ASPG: variants seen among roughly 807,000 people sequenced by gnomAD.
ASPG encodes the protein asparaginase, also known as 60 kDa lysophospholipase.
A neutral mutation model predicts 63.2 loss-of-function variants in ASPG; 53 were observed. The ratio of observed to expected loss-of-function variants is 0.84; its 90% CI spans 0.67 to 1.05. The LOEUF is 1.05. ASPG is among the 50% of genes least tolerant of loss of function. The pLI, the probability that ASPG is intolerant of heterozygous loss-of-function variation, is 0.00. For missense variants in ASPG, 741 were observed against 794.4 expected, an observed-to-expected ratio of 0.93 and a Z score of 0.81; for synonymous variants, 370 against 355.0, an observed-to-expected ratio of 1.04 and a Z score of -0.48.
rs1288475459 is a variant in ASPG at position 104,085,832 on chromosome 14, G to T, written c.62G>T (p.Gly21Val). Residue 21 changes from glycine (G) to valine (V), a missense_variant, in exon 1 of 16, where the codon GGC becomes GTC. Gly to Val is a moderately radical substitution (Grantham distance 109, BLOSUM62 -3). Transcript: ENST00000551177. Reference protein sequence around the residue: ...LLAVYTGGTIGMRSELGVLVP... With the variant: ...LLAVYTGGTIVMRSELGVLVP... ...GCCGTCTACACCGGCGGCACCATTG[G>T]CATGCGGAGTGAGCTCGGCGGTGAG... 2 of 1,590,074 alleles carry T rather than the reference G, an allele frequency of 1.3e-6. No individual in the cohort carries two copies. The highest frequency in any genetic ancestry group is 2.3e-5 in the East Asian group (1 of 43,062).
Position 104,102,617 on chromosome 14 carries a change from A to G in ASPG, c.641-946A>G, listed in dbSNP as rs548090723. ...CCAGTGTCCAGCCCTGCTCTGCTGGAGGCTGCCATGAGTGTGGAGAGGGGC... is the reference window on the plus strand; with the variant it reads ...CCAGTGTCCAGCCCTGCTCTGCTGGGGGCTGCCATGAGTGTGGAGAGGGGC... On this transcript the variant is annotated intron_variant, in intron 6 of 15. Transcript: ENST00000551177. Among the ~76,000 whole-genome samples the G allele has an allele frequency of 4.2e-4, 64 of 152,258 alleles. 2 individuals carry two copies. The highest frequency in any genetic ancestry group is 4.6e-4 in the Admixed American group (7 of 15,310).
In ASPG at chr14:104,111,752, G is replaced by A. The variant is rs972568674; in HGVS notation, c.1620+151G>A. On this transcript the variant is annotated intron_variant, in intron 14 of 15. Transcript: ENST00000551177. ...CCCATGCAGGACCCGCACAGACTGG[G>A]TCCCCTTCCCGGGGCTCTGAGTGGT... 20 of 912,998 alleles carry A rather than the reference G, an allele frequency of 2.2e-5. No homozygotes were observed. In the Middle Eastern group the frequency reaches 2.0e-3, roughly 90 times the overall value. 56.6% of individuals were successfully genotyped at this position (912,998 alleles called of 1,614,324 possible). A position where few individuals can be genotyped will look rare whatever the true frequency, so the allele number is the denominator to read the frequency against.
intron 12 of ASPG, chr14:104,108,728 C>G: frequency 3.0e-6 from 3 of 985,466 alleles, no homozygotes; most frequent in Non-Finnish European, 3.6e-6. Flanking sequence ...GCCCTGCCCC[C>G]ACTCCTACCC....
At position 104,103,694 on chromosome 14, in the gene ASPG, A is replaced by G. The variant is rs1389375398; in HGVS notation, c.753+19A>G. Reference sequence around the variant, plus strand: ...CGCCCTGGTAGGGACCGCCCCGGCCATCCTGCCCCTGCAGCCCTGAGCCCC... The same window carrying G: ...CGCCCTGGTAGGGACCGCCCCGGCCGTCCTGCCCCTGCAGCCCTGAGCCCC... On this transcript the variant is annotated intron_variant, in intron 7 of 15. Coordinates refer to ENST00000551177, the MANE Select transcript of ASPG (RefSeq NM_001080464.3). 2 of 1,541,524 alleles carry G rather than the reference A, an allele frequency of 1.3e-6. No individual in the cohort carries two copies. The highest frequency in any genetic ancestry group is 1.8e-6 in the Non-Finnish European group (2 of 1,142,290).
chr14:104,110,068 C>T lies in ASPG; in HGVS notation c.1520+753C>T. ...CCTTGTGCCTGGTGACTTGGCGCTG[C>T]CTCCTGTGCCCAGCCTGGGCTGCCC... is the stretch of plus-strand genomic sequence containing the variant. On this transcript the variant is annotated intron_variant, in intron 13 of 15. Coordinates refer to ENST00000551177, the MANE Select transcript of ASPG (RefSeq NM_001080464.3). This position sits in a 1 kb window ranked among gnomAD's most constrained non-coding sequence, Gnocchi z 4.7. The T allele has an allele frequency of 2.0e-6, 2 of 985,406 alleles. No individual in the cohort carries two copies. Among genetic ancestry groups the T allele is most frequent in the East Asian group, 1.1e-4 (1 of 8,800 alleles). 61.0% of individuals were successfully genotyped at this position (985,406 alleles called of 1,614,324 possible). A position where few individuals can be genotyped will look rare whatever the true frequency, so the allele number is the denominator to read the frequency against.
chr14:104,105,200 A>G (rs575577138), intron 9 of ASPG, 128 bp from the exon 10 acceptor site: 1 of 1,445,764 alleles, frequency 6.9e-7, no homozygotes, highest in African/African-American at 1.4e-5. Flanking sequence ...CGAGGGATGA[A>G]GCACACACGG....
Position 104,085,784 on chromosome 14 carries a change from T to C in ASPG, c.14T>C (p.Val5Ala), listed in dbSNP as rs781725936. ...CCCCGGTCCGGCATGGCGCGCGCGG[T>C]GGGGCCCGAGCGGAGGCTGCTGGCC... MARA[V>A]GPERRLLAVY... Residue 5 changes from valine (V) to alanine (A), a missense_variant, in exon 1 of 16, where the codon GTG becomes GCG. Val to Ala is a moderately conservative substitution (Grantham distance 64). Coordinates refer to ENST00000551177, the MANE Select transcript of ASPG (RefSeq NM_001080464.3). The C allele has an allele frequency of 1.3e-6, 2 of 1,585,010 alleles. No homozygotes were observed. Among genetic ancestry groups the C allele is most frequent in the Non-Finnish European group, 1.7e-6 (2 of 1,172,564 alleles).
intron 2 of ASPG, 107 bp from the exon 3 acceptor site, chr14:104,093,384 G>C (rs1400348986): frequency 9.4e-7 from 1 of 1,063,602 alleles, no homozygotes; most frequent in Non-Finnish European, 1.4e-6. Flanking sequence ...TTGGCGTAGG[G>C]GCCCCAGCTC....
At chr14:104,112,072 G>T (rs1043161411) in intron 15 of ASPG, 72 bp downstream of exon 15, 12 of 1,417,538 alleles carry the variant, frequency 8.5e-6, no homozygotes, top group East Asian at 5.0e-5. Context: ...CCTGGCTCGG[G>T]GGGGCGTAAT....
rs926328506 is a variant in ASPG at position 104,111,097 on chromosome 14, G to A, written c.1521-405G>A. 13 of 985,412 alleles carry A rather than the reference G, an allele frequency of 1.3e-5. No homozygotes were observed. The East Asian group carries it at 3.4e-4, about 26-fold the overall frequency. 61.0% of individuals were successfully genotyped at this position (985,412 alleles called of 1,614,324 possible). A position where few individuals can be genotyped will look rare whatever the true frequency, so the allele number is the denominator to read the frequency against. On this transcript the variant is annotated intron_variant, in intron 13 of 15. Transcript: ENST00000551177. ...GTGTGTTGTGTAACACGAAACTGGC[G>A]TGGGCTGCTCGGCAGGTGGGCGTGC...
chr14:104,107,170 G>A lies in ASPG; in HGVS notation c.1270-12G>A. 1.3e-6 allele frequency: 2 copies of A among 1,547,190 alleles called. No individual in the cohort carries two copies. The highest frequency in any genetic ancestry group is 1.7e-6 in the Non-Finnish European group (2 of 1,144,128). ...TCTCCCTCAGGGGTCGCATGTCCTTGTGTTACTCCAGGGCAGTGACCTGGG... is the reference window on the plus strand; with the variant it reads ...TCTCCCTCAGGGGTCGCATGTCCTTATGTTACTCCAGGGCAGTGACCTGGG... On this transcript the variant is annotated splice_polypyrimidine_tract_variant and intron_variant, in intron 11 of 15. Transcript: ENST00000551177.
Position 104,114,044 on chromosome 14 carries a change from T to C in ASPG, c.*1500T>C, listed in dbSNP as rs2037434163. Reference sequence around the variant, plus strand: ...GGCTGAGCCCACCTGGTCTCCCCGGTTGCTCCTGCACACGGCAGTGCCCAC... The same window carrying C: ...GGCTGAGCCCACCTGGTCTCCCCGGCTGCTCCTGCACACGGCAGTGCCCAC... On this transcript the variant is annotated 3_prime_UTR_variant, in exon 16 of 16. Transcript: ENST00000551177. 6.6e-6 allele frequency: 1 copy of C among 152,318 alleles called. No homozygotes were observed. Among genetic ancestry groups the C allele is most frequent in the African/African-American group, 2.4e-5 (1 of 41,462 alleles). The allele number at this position is 152,318 out of a possible 1,614,324, so 9.4% of individuals were successfully genotyped here. A position where few individuals can be genotyped will look rare whatever the true frequency, so the allele number is the denominator to read the frequency against.
At chr14:104,105,164 G>C in intron 9 of ASPG, 164 bp from the exon 10 acceptor site, 1 of 1,097,080 alleles carries the variant, frequency 9.1e-7, no homozygotes. Context: ...GGCTGGCCTT[G>C]GGAGGGGACC....
chr14:104,101,084 C>T (rs1342443519), intron 6 of ASPG, among the ~76,000 whole-genome samples: 1 of 152,338 alleles, frequency 6.6e-6, no homozygotes, highest in Non-Finnish European at 1.5e-5. Context: ...AGCTCCTGGG[C>T]GCAGCACTAA....
chr14:104,105,797 G>A (rs2037098876), intron 10 of ASPG, among the ~76,000 whole-genome samples: 1 of 152,198 alleles, frequency 6.6e-6, no homozygotes, highest in Admixed American at 6.5e-5. Context: ...CAGGCTCTGA[G>A]CACCAGGGGT....
In ASPG at chr14:104,093,852, G is replaced by A. The variant is rs1431761475; in HGVS notation, c.303+250G>A. ...AGTGTGGGTGGGGCTGTGGGTGTGG[G>A]GTGGGCTGTGTTGTGTGGGCAGGGC... On this transcript the variant is annotated intron_variant, in intron 3 of 15. Transcript: ENST00000551177. Among the ~76,000 whole-genome samples the A allele has an allele frequency of 1.0e-4, 15 of 148,692 alleles. No homozygotes were observed. The South Asian group carries it at 3.2e-3, about 32-fold the overall frequency.
chr14:104,111,143 A>G (rs1188218720), intron 13 of ASPG: 4 of 985,398 alleles, frequency 4.1e-6, no homozygotes, highest in Non-Finnish European at 4.8e-6. Context: ...GCAAAGGCGC[A>G]TGTGCTCATG....
intron 5 of ASPG, among the ~76,000 whole-genome samples, chr14:104,097,842 CGTT>C (rs2036667271): frequency 7.2e-6 from 1 of 138,214 alleles, no homozygotes; most frequent in Non-Finnish European, 1.7e-5. Context: ...GGAGGTTCTG[CGTT>C]AGAGATGCAT....
At chr14:104,108,920 C>T in intron 12 of ASPG, 4 of 985,386 alleles carry the variant, frequency 4.1e-6, no homozygotes, top group Non-Finnish European at 4.8e-6. Context: ...ATTCTGCTAG[C>T]ACCAACTAAT....
Sources: allele counts gnomAD v4.1 joint callset (sites outside exome capture counted in the v4.1 genomes callset), GRCh38; gene constraint gnomAD v4.1.1; non-coding constraint Gnocchi (gnomAD v3.1); transcripts MANE v1.5; gene names NCBI Gene and HGNC (gene_info 2026-07-23, HGNC 2026-07-21).